Variants in TSPAN18 observed in about 807,000 individuals in gnomAD.
TSPAN18 encodes tetraspanin-18.
Under a neutral mutation model 27.3 loss-of-function variants are expected in TSPAN18, and 14 were observed. The ratio of observed to expected loss-of-function variants is 0.51; its 90% confidence interval spans 0.34 to 0.80. The LOEUF is 0.80. Among genes scored for constraint, TSPAN18 ranks in the 30% least tolerant of loss-of-function variants. The pLI, the probability that TSPAN18 is intolerant of heterozygous loss-of-function variation, is 0.01. For synonymous variants in TSPAN18, 143 were observed against 136.5 expected (o/e 1.05, Z -0.33); for missense variants, 268 against 323.9 (o/e 0.83, Z 1.32).
In TSPAN18 at chr11:44,900,680, C is replaced by CT. The variant is rs72469181; in HGVS notation, c.-10-5696dup. ...TATTTTCCATACAACTTGAGGAAGG[C>CT]TTTTTTTTTTTTTTTTTTTTTTTTT... On this transcript the variant is annotated intron_variant, in intron 3 of 9. Transcript: ENST00000520358. Among the ~76,000 whole-genome samples the CT allele has an allele frequency of 6.5e-3, 324 of 49,736 alleles. 72 individuals carry two copies. The highest frequency in any genetic ancestry group is 0.024 in the African/African-American group (264 of 11,124). 32.6% of individuals were successfully genotyped at this position (49,736 alleles called of 152,430 possible). A position where few individuals can be genotyped will look rare whatever the true frequency, so the allele number is the denominator to read the frequency against.
At chr11:44,886,523 G>T (rs1258615761) in intron 3 of TSPAN18, 1 of 152,222 alleles carries the variant, frequency 6.6e-6, no homozygotes, top group Non-Finnish European at 1.5e-5. Context: ...CTGGACGGTT[G>T]TGGGGATCAA....
At chr11:44,903,808 C>CT (rs11456363) in intron 3 of TSPAN18, 245,249 of 456,348 alleles carry the variant, frequency 0.54, 69,065 homozygotes, top group Middle Eastern at 0.68. Context: ...GCTGGATTGC[C>CT]TGGGTTCCAA....
At chr11:44,896,870 A>T (rs1048550024) in intron 3 of TSPAN18, among the ~76,000 whole-genome samples, 1 of 152,160 alleles carries the variant, frequency 6.6e-6, no homozygotes, top group Non-Finnish European at 1.5e-5. Flanking sequence ...CCTGGCACAT[A>T]GTAGCAACTC....
At chr11:44,881,514 G>C (rs1858489124) in intron 3 of TSPAN18, among the ~76,000 whole-genome samples, 2 of 152,194 alleles carry the variant, frequency 1.3e-5, no homozygotes, top group Non-Finnish European at 2.9e-5. Context: ...GACCTAAAAA[G>C]GGTCTTCATC....
chr11:44,888,953 G>T (rs990146084), intron 3 of TSPAN18, among the ~76,000 whole-genome samples: 6 of 152,218 alleles, frequency 3.9e-5, no homozygotes, highest in African/African-American at 1.4e-4. Flanking sequence ...CCGCCATGTT[G>T]TTCTCATGAT....
rs1388910599 is a variant in TSPAN18, at chr11:44,784,524, C to T, written c.-153+20012C>T. ...ACTGGGTTGGACTCCGTGCTCTAAC[C>T]GCTCTGGAGACTCTGTGCTATCACT... On this transcript the variant is annotated intron_variant, in intron 2 of 9. Transcript: ENST00000520358. Among the ~76,000 whole-genome samples the T allele has an allele frequency of 3.3e-5, 5 of 152,192 alleles. No individual in the cohort carries two copies. In the East Asian group the frequency reaches 5.8e-4, roughly 18 times the overall value.
chr11:44,928,112 CT>C (rs1860435764), intron 9 of TSPAN18, among the ~76,000 whole-genome samples: 5 of 152,162 alleles, frequency 3.3e-5, no homozygotes, highest in Admixed American at 3.3e-4. Flanking sequence ...CCCTCAGCTA[CT>C]TGCAATGAGC....
chr11:44,921,121 C>T (rs894814591), intron 8 of TSPAN18, among the ~76,000 whole-genome samples: 3 of 152,194 alleles, frequency 2.0e-5, no homozygotes, highest in Admixed American at 6.5e-5. Context: ...CTGAGGGCCA[C>T]GTTCTCTCTG....
chr11:44,739,368 A>G (rs945674802), intron 1 of TSPAN18, among the ~76,000 whole-genome samples: 1 of 152,142 alleles, frequency 6.6e-6, no homozygotes, highest in Non-Finnish European at 1.5e-5. Flanking sequence ...ATGCCTGTTA[A>G]TCCCAGCACT....
intron 5 of TSPAN18, among the ~76,000 whole-genome samples, chr11:44,912,006 C>G (rs956228548): frequency 7.6e-5 from 11 of 145,644 alleles, no homozygotes; most frequent in Admixed American, 6.4e-4. Context: ...TCCTCTCTGC[C>G]TCTGTCCTCC....
At position 44,877,793 on chromosome 11, in the gene TSPAN18, T is replaced by A. The variant is rs1046826299; in HGVS notation, c.-11+17324T>A. Reference sequence around the variant, plus strand: ...CTAATTAGTGTGAATAGGGGCTGGGTAAGCTAGTCGTGGGAAAATAGATGT... The same window carrying A: ...CTAATTAGTGTGAATAGGGGCTGGGAAAGCTAGTCGTGGGAAAATAGATGT... On this transcript the variant is annotated intron_variant, in intron 3 of 9. Coordinates refer to ENST00000520358, the MANE Select transcript of TSPAN18 (RefSeq NM_130783.5). 2.6e-5 allele frequency among the ~76,000 whole-genome samples: 4 copies of A among 151,474 alleles called. No homozygotes were observed. The South Asian group carries it at 8.4e-4, about 32-fold the overall frequency.
intron 1 of TSPAN18, among the ~76,000 whole-genome samples, chr11:44,729,463 G>A (rs1298533067): frequency 6.6e-6 from 1 of 152,012 alleles, no homozygotes; most frequent in Admixed American, 6.6e-5. Context: ...GGTCCCCAAG[G>A]GCTACTAAAG....
intron 3 of TSPAN18, among the ~76,000 whole-genome samples, chr11:44,887,075 G>A (rs1858681726): frequency 1.3e-5 from 2 of 152,222 alleles, no homozygotes; most frequent in Admixed American, 6.5e-5. Context: ...AGTGAAAAAG[G>A]ATTTTAGATT....
chr11:44,789,480 C>T (rs190451372), intron 2 of TSPAN18, among the ~76,000 whole-genome samples: 5 of 152,328 alleles, frequency 3.3e-5, no homozygotes, highest in African/African-American at 4.8e-5. Context: ...CCAGTTTCCA[C>T]ACCTGACAAA....
In TSPAN18 at chr11:44,844,870, G is replaced by A. The variant is rs932819993; in HGVS notation, c.-152-15458G>A. On this transcript the variant is annotated intron_variant, in intron 2 of 9. Coordinates refer to ENST00000520358, the MANE Select transcript of TSPAN18 (RefSeq NM_130783.5). Reference sequence around the variant, plus strand: ...GAGAACTTCATTTGCACCAGGCCTGGTCCATCTACCTCACCTTGCCTGGTG... The same window carrying A: ...GAGAACTTCATTTGCACCAGGCCTGATCCATCTACCTCACCTTGCCTGGTG... 2.6e-5 allele frequency among the ~76,000 whole-genome samples: 4 copies of A among 152,170 alleles called. 1 individual carries two copies. Among genetic ancestry groups the A allele is most frequent in the Admixed American group, 2.6e-4 (4 of 15,280 alleles).
At chr11:44,758,414 G>T (rs1408868063) in intron 1 of TSPAN18, among the ~76,000 whole-genome samples, 1 of 152,142 alleles carries the variant, frequency 6.6e-6, no homozygotes, top group Admixed American at 6.5e-5. Flanking sequence ...TGGTCATGGT[G>T]TATAATCCTT....
At chr11:44,752,587 C>T (rs761558508) in intron 1 of TSPAN18, among the ~76,000 whole-genome samples, 34 of 149,704 alleles carry the variant, frequency 2.3e-4, no homozygotes, top group Non-Finnish European at 3.9e-4. Flanking sequence ...TGTGTGTGCA[C>T]GTGCACATGT....
chr11:44,727,403 T>G (rs540040119), intron 1 of TSPAN18, 116 bp downstream of exon 1: 5 of 151,340 alleles, frequency 3.3e-5, no homozygotes, highest in African/African-American at 9.7e-5. Flanking sequence ...GGAATTGGGG[T>G]GGAGTAGGGA....
At chr11:44,797,430 A>G (rs186778284) in intron 2 of TSPAN18, among the ~76,000 whole-genome samples, 169 of 152,178 alleles carry the variant, frequency 1.1e-3, no homozygotes, top group African/African-American at 3.8e-3. Flanking sequence ...CACGGTACCC[A>G]TCATTATTAT....
Sources: allele counts gnomAD v4.1 joint callset (sites outside exome capture counted in the v4.1 genomes callset), GRCh38; gene constraint gnomAD v4.1.1; transcripts MANE v1.5; gene names NCBI Gene and HGNC (gene_info 2026-07-23, HGNC 2026-07-21).